Variants in NCAM2 observed in about 807,000 individuals in gnomAD.
The protein encoded by NCAM2 is neural cell adhesion molecule 2.
A neutral mutation model predicts 98.1 loss-of-function variants in NCAM2; 30 were observed. The ratio of observed to expected loss-of-function variants is 0.31; its 90% CI spans 0.23 to 0.41. The LOEUF (loss-of-function observed/expected upper bound fraction) is 0.41. Ranked by LOEUF, NCAM2 falls within the 10% of genes least tolerant of loss-of-function variation. The probability of loss-of-function intolerance (pLI) is 1.00; values close to 1 mark genes in which losing one functional copy is unlikely to be tolerated. For missense variants in NCAM2, 867 were observed against 1,005.8 expected (o/e 0.86, Z 1.87); for synonymous variants, 368 against 342.4 (o/e 1.07, Z -0.83).
chr21:21,298,634 A>G (rs2073588141), intron 5 of NCAM2, among the ~76,000 whole-genome samples: 1 of 146,264 alleles, frequency 6.8e-6, no homozygotes, highest in Admixed American at 6.9e-5. Context: ...TAGATAGATG[A>G]TAGATAGAGA....
intron 1 of NCAM2, among the ~76,000 whole-genome samples, chr21:21,024,561 A>C (rs968049519): frequency 6.6e-6 from 1 of 152,174 alleles, no homozygotes; most frequent in Non-Finnish European, 1.5e-5. Context: ...TGTCCAACTT[A>C]AGTAGAAAAA....
intron 1 of NCAM2, among the ~76,000 whole-genome samples, chr21:21,246,046 A>G (rs548322569): frequency 1.3e-5 from 2 of 152,288 alleles, no homozygotes; most frequent in South Asian, 4.2e-4. Context: ...AATAAATTAT[A>G]GCTAAAATGA....
chr21:21,497,318 C>A (rs1987312825), intron 15 of NCAM2, among the ~76,000 whole-genome samples: 1 of 152,094 alleles, frequency 6.6e-6, no homozygotes, highest in Non-Finnish European at 1.5e-5. Flanking sequence ...TGTAAGAAAT[C>A]TGCACATATA....
At chr21:21,197,152 C>A (rs1202834026) in intron 1 of NCAM2, among the ~76,000 whole-genome samples, 2 of 152,128 alleles carry the variant, frequency 1.3e-5, no homozygotes, top group Non-Finnish European at 2.9e-5. Flanking sequence ...TTTTTTGAGA[C>A]AGAGTCTCAC....
chr21:21,257,098 T>C (rs1261684270), intron 1 of NCAM2, among the ~76,000 whole-genome samples: 2 of 152,202 alleles, frequency 1.3e-5, no homozygotes, highest in African/African-American at 2.4e-5. Flanking sequence ...GCTTTCAGAA[T>C]GTAGGAGGAG....
At chr21:21,101,537 A>T (rs560476414) in intron 1 of NCAM2, among the ~76,000 whole-genome samples, 1 of 152,182 alleles carries the variant, frequency 6.6e-6, no homozygotes. Context: ...ACTACATACT[A>T]GCTGTAACTT....
At chr21:21,444,015 T>G (rs1033082084) in intron 12 of NCAM2, among the ~76,000 whole-genome samples, 1 of 152,202 alleles carries the variant, frequency 6.6e-6, no homozygotes, top group Non-Finnish European at 1.5e-5. Context: ...ATGTGTTCCA[T>G]CAATACCTAG....
chr21:21,280,623 T>C lies in NCAM2; in HGVS notation c.101T>C (p.Val34Ala). Residue 34 changes from valine to alanine, a missense_variant, in exon 2 of 18, where the codon GTT becomes GCT. Physicochemically the swap from Val to Ala is moderately conservative, Grantham distance 64. This residue lies in a region of NCAM2 where 447 missense variants were observed against 495.7 expected (regional missense o/e 0.90). Coordinates refer to ENST00000400546, the MANE Select transcript of NCAM2 (RefSeq NM_004540.5). ...TCACTTAGCAAAGTAGAGCTTAGTG[T>C]TGGAGAATCTAAATTCTTCACATGT... is the stretch of plus-strand genomic sequence containing the variant. ...TISLSKVELS[V>A]GESKFFTCTA... 13 of 1,600,198 alleles carry C rather than the reference T, an allele frequency of 8.1e-6. No homozygotes were observed. The highest frequency in any genetic ancestry group is 1.0e-5 in the Non-Finnish European group (12 of 1,174,258).
At chr21:21,331,613 A>AGAGAG (rs2074710727) in intron 6 of NCAM2, among the ~76,000 whole-genome samples, 1 of 59,966 alleles carries the variant, frequency 1.7e-5, no homozygotes, top group African/African-American at 7.2e-5. Context: ...TGAGAGAGAG[A>AGAGAG]ATCTCACTCC....
intron 1 of NCAM2, among the ~76,000 whole-genome samples, chr21:21,081,295 C>G (rs2065792556): frequency 6.6e-6 from 1 of 152,112 alleles, no homozygotes; most frequent in Non-Finnish European, 1.5e-5. Context: ...TGTCGGGAAG[C>G]TACTGAGTTT....
At chr21:21,111,884 T>C (rs1201699284) in intron 1 of NCAM2, among the ~76,000 whole-genome samples, 2 of 152,126 alleles carry the variant, frequency 1.3e-5, no homozygotes, top group East Asian at 3.9e-4. Flanking sequence ...GGTCTGTGAA[T>C]TTTTCAGTAT....
chr21:21,410,766 T>C (rs1175926408), intron 10 of NCAM2, among the ~76,000 whole-genome samples: 1 of 151,240 alleles, frequency 6.6e-6, no homozygotes, highest in African/African-American at 2.4e-5. Flanking sequence ...CCCAGCACTT[T>C]GGGAGGCTGA....
At position 21,373,867 on chromosome 21, in the gene NCAM2, T is replaced by C. The variant is rs232518; in HGVS notation, c.1049T>C (p.Leu350Pro). ...TTCCTGAATCGATGTAAACAGAGCCTGGACGGCCGTATCGAAGTCAAAGGG... is the reference window on the plus strand; with the variant it reads ...TTCCTGAATCGATGTAAACAGAGCCCGGACGGCCGTATCGAAGTCAAAGGG... Reference protein sequence around the residue: ...GFTFTEGDKSLDGRIEVKGQH... With the variant: ...GFTFTEGDKSPDGRIEVKGQH... Residue 350 changes from leucine (L) to proline (P), a missense_variant, in exon 9 of 18, where the codon CTG (leucine) becomes CCG (proline). This residue lies in a region of NCAM2 where 447 missense variants were observed against 495.7 expected (regional missense o/e 0.90). Coordinates refer to ENST00000400546, the MANE Select transcript of NCAM2 (RefSeq NM_004540.5). 577,348 of 1,603,520 alleles carry C rather than the reference T, an allele frequency of 0.36. 106,149 individuals carry two copies. Among genetic ancestry groups the C allele is most frequent in the East Asian group, 0.55 (24,518 of 44,420 alleles).
intron 1 of NCAM2, among the ~76,000 whole-genome samples, chr21:21,103,749 G>A (rs1601377993): frequency 6.6e-6 from 1 of 152,062 alleles, no homozygotes; most frequent in Admixed American, 6.6e-5. Context: ...ATGAAAGGTA[G>A]GCATGCACTT....
intron 15 of NCAM2, among the ~76,000 whole-genome samples, chr21:21,479,608 A>ATTT (rs869177226): frequency 4.7e-5 from 6 of 127,998 alleles, no homozygotes; most frequent in African/African-American, 1.7e-4. Flanking sequence ...AAAAAAAAAA[A>ATTT]TTGTTGATGA....
intron 1 of NCAM2, among the ~76,000 whole-genome samples, chr21:21,114,962 A>G (rs951622111): frequency 1.3e-5 from 2 of 151,946 alleles, no homozygotes; most frequent in African/African-American, 4.8e-5. Context: ...CTGGGATTAC[A>G]GGCGCCTGCC....
chr21:21,058,165 A>C (rs914247618), intron 1 of NCAM2, among the ~76,000 whole-genome samples: 10 of 140,656 alleles, frequency 7.1e-5, no homozygotes, highest in Non-Finnish European at 1.2e-4. Context: ...AAAAAAAAAA[A>C]CCCAAAAAAC....
intron 1 of NCAM2, among the ~76,000 whole-genome samples, chr21:21,263,498 A>C (rs968532884): frequency 6.6e-6 from 1 of 152,086 alleles, no homozygotes; most frequent in Admixed American, 6.6e-5. Flanking sequence ...TGTTCAAAAA[A>C]TTTTTTAAAA....
intron 15 of NCAM2, 56 bp from the exon 16 acceptor site, chr21:21,508,795 A>G: frequency 6.0e-6 from 7 of 1,165,556 alleles, no homozygotes; most frequent in Non-Finnish European, 8.1e-6. Context: ...TTAGAGGTTT[A>G]ATACTTTTTT....
Sources: gnomAD v4.1 joint callset for allele counts (sites outside exome capture counted in the v4.1 genomes callset) on GRCh38, gnomAD v4.1.1 for gene constraint, gnomAD v4.1.1 regional missense constraint, MANE v1.5 for transcripts, NCBI Gene and HGNC (gene_info 2026-07-23, HGNC 2026-07-21) for gene names.